The following BRD8 variants were observed in gnomAD, a reference collection of about 807,000 sequenced individuals.
The protein encoded by BRD8 is bromodomain containing 8.
Under a neutral mutation model 143.1 loss-of-function variants are expected in BRD8, and 67 were observed. The ratio of observed to expected loss-of-function variants is 0.47; its 90% CI spans 0.38 to 0.57. BRD8 has a LOEUF of 0.57. Among genes scored for constraint, BRD8 ranks in the 20% least tolerant of loss-of-function variants. The probability of loss-of-function intolerance (pLI) is 0.00; values close to 1 mark genes in which losing one functional copy is unlikely to be tolerated. For synonymous variants in BRD8, 505 were observed against 517.1 expected (o/e 0.98, Z 0.32); for missense variants, 1,103 against 1,503.0 (o/e 0.73, Z 4.40).
rs868105809 is a variant in BRD8, at chr5:138,153,677, T to C, written c.2578-917A>G. ...ATCACCATTTTCTTTTCTTTTCTTT[T>C]TTTTTTTTTTTTTTTTTGAACGAAC... On this transcript the variant is annotated intron_variant, in intron 20 of 26. Coordinates refer to ENST00000254900, the MANE Select transcript of BRD8 (RefSeq NM_139199.2). Among the ~76,000 whole-genome samples, 46 of 97,318 alleles carry C rather than the reference T, an allele frequency of 4.7e-4. 1 individual carries two copies. The highest frequency in any genetic ancestry group is 1.7e-3 in the African/African-American group (40 of 23,122). The allele number at this position is 97,318 out of a possible 152,430, so 63.8% of individuals were successfully genotyped here.
intron 3 of BRD8, 22 bp from the exon 4 acceptor site, chr5:138,171,432 G>C: frequency 8.2e-7 from 1 of 1,223,284 alleles, no homozygotes; most frequent in Non-Finnish European, 1.2e-6. Flanking sequence ...AAAAAAAAAA[G>C]TGAAAATGTG....
At chr5:138,154,965 G>T (rs554111436) in intron 20 of BRD8, among the ~76,000 whole-genome samples, 54 of 151,640 alleles carry the variant, frequency 3.6e-4, no homozygotes, top group African/African-American at 1.3e-3. Context: ...GCGTAACTGG[G>T]ATTACAGGCG....
At chr5:138,149,069 T>G (rs1752276546) in intron 23 of BRD8, among the ~76,000 whole-genome samples, 2 of 150,646 alleles carry the variant, frequency 1.3e-5, no homozygotes, top group South Asian at 4.2e-4. Flanking sequence ...CTGTCTCTAT[T>G]AAAGAAAAAA....
Position 138,140,075 on chromosome 5 carries a change from T to A in BRD8, c.3707A>T (p.Ter1236LeuextTer12). Residue 1236 changes from the stop codon to leucine, a stop_lost, in exon 27 of 27, where the codon TAA becomes TTA. Coordinates refer to ENST00000254900, the MANE Select transcript of BRD8 (RefSeq NM_139199.2). Reference sequence around the variant, plus strand: ...AAAAGTCAGGATAGCAGCTCCAGGTTAGAAAACAGGTTTTCCATCATCCAC... The same window carrying A: ...AAAAGTCAGGATAGCAGCTCCAGGTAAGAAAACAGGTTTTCCATCATCCAC... ...NPVDDGKPVF* is the reference protein window; with the variant it reads ...NPVDDGKPVFL 1 of 1,611,784 alleles carries A rather than the reference T, an allele frequency of 6.2e-7. No individual in the cohort carries two copies. The highest frequency in any genetic ancestry group is 8.5e-7 in the Non-Finnish European group (1 of 1,177,892).
intron 23 of BRD8, among the ~76,000 whole-genome samples, chr5:138,147,450 C>A (rs948682196): frequency 6.6e-6 from 1 of 151,590 alleles, no homozygotes; most frequent in African/African-American, 2.4e-5. Context: ...ACAGTTCATA[C>A]TATATTCTCT....
chr5:138,147,693 T>C (rs1752209063), intron 23 of BRD8, among the ~76,000 whole-genome samples: 1 of 152,180 alleles, frequency 6.6e-6, no homozygotes, highest in Non-Finnish European at 1.5e-5. Flanking sequence ...TCCCAGGACT[T>C]TGGGAGGCCA....
At position 138,171,199 on chromosome 5, in the gene BRD8, A is replaced by G. The variant is rs368238602; in HGVS notation, c.237-39T>C. Reference sequence around the variant, plus strand: ...AAAAAAAAAAATTCATATTCAAATAACATAACATTTATCCCCTCTCCTACT... The same window carrying G: ...AAAAAAAAAAATTCATATTCAAATAGCATAACATTTATCCCCTCTCCTACT... On this transcript the variant is annotated intron_variant, in intron 4 of 26. Coordinates refer to ENST00000254900, the MANE Select transcript of BRD8 (RefSeq NM_139199.2). 3.8e-6 allele frequency: 6 copies of G among 1,585,858 alleles called. No individual in the cohort carries two copies. The Admixed American group carries it at 7.0e-5, about 19-fold the overall frequency.
intron 16 of BRD8, 83 bp downstream of exon 16, chr5:138,161,971 A>G (rs1178256970): frequency 6.4e-7 from 1 of 1,561,954 alleles, no homozygotes; most frequent in Non-Finnish European, 8.8e-7. Flanking sequence ...GCAGTTCCAC[A>G]GAAGCCTACT....
At chr5:138,165,702 G>A in intron 11 of BRD8, 126 bp downstream of exon 11, 2 of 1,098,596 alleles carry the variant, frequency 1.8e-6, no homozygotes, top group Non-Finnish European at 1.3e-6. Flanking sequence ...CTTCAGCCTG[G>A]ATGAAAGAGC....
chr5:138,150,220 C>T (rs1212367406), intron 22 of BRD8, among the ~76,000 whole-genome samples: 10 of 151,720 alleles, frequency 6.6e-5, no homozygotes, highest in Admixed American at 1.3e-4. Flanking sequence ...TGGGCTCCCC[C>T]GAGACCCCTA....
At chr5:138,155,041 G>A (rs1430875712) in intron 20 of BRD8, among the ~76,000 whole-genome samples, 1 of 151,948 alleles carries the variant, frequency 6.6e-6, no homozygotes, top group Non-Finnish European at 1.5e-5. Context: ...ATGTTGGCCA[G>A]GATGGTCTTG....
In BRD8 at chr5:138,151,004, G is replaced by A. The variant is rs1363019162; in HGVS notation, c.2861C>T (p.Ala954Val). ...GATGCACAAGGGCTCCATTAAATAA[G>A]CTACCTGCAATCAAAGTTTATTATT... The part of the protein sequence containing the change: ...QNLLHFLSEV[A>V]YLMEPLCISS... The change falls in exon 22 of 27, where the codon GCT (alanine) becomes GTT (valine). Residue 954 changes from alanine (A) to valine (V), a missense_variant. Physicochemically the swap from Ala to Val is moderately conservative, Grantham distance 64. Coordinates refer to ENST00000254900, the MANE Select transcript of BRD8 (RefSeq NM_139199.2). 6.2e-7 allele frequency: 1 copy of A among 1,609,662 alleles called. No individual in the cohort carries two copies. The highest frequency in any genetic ancestry group is 8.5e-7 in the Non-Finnish European group (1 of 1,179,382).
At chr5:138,162,848 T>C (rs1231550528) in intron 15 of BRD8, among the ~76,000 whole-genome samples, 1 of 151,732 alleles carries the variant, frequency 6.6e-6, no homozygotes, top group Non-Finnish European at 1.5e-5. Context: ...AAAATTTTTT[T>C]TAATTAGCAG....
At position 138,152,727 on chromosome 5, in the gene BRD8, G is replaced by A. The variant is rs1273822447; in HGVS notation, c.2611C>T (p.Gln871Ter). Reference protein sequence around the residue: ...GHEWVWLDSEQDHPNDSELSN... With the variant: ...GHEWVWLDSE ...AACTCAGAGTCATTGGGATGATCTT[G>A]TTCAGAATCCAGCCAAACCCACTCG... is the stretch of plus-strand genomic sequence containing the variant. The change falls in exon 21 of 27, where the codon CAA becomes TAA. Residue 871 changes from glutamine (Q) to a stop codon, truncating the protein, a stop_gained. Transcript: ENST00000254900. LOFTEE classifies it high-confidence loss of function. 1 of 1,614,080 alleles carries A rather than the reference G, an allele frequency of 6.2e-7. No individual in the cohort carries two copies. The highest frequency in any genetic ancestry group is 1.7e-5 in the Admixed American group (1 of 60,012).
At position 138,177,624 on chromosome 5, in the gene BRD8, G is replaced by C; in HGVS notation, c.63C>G (p.Ile21Met). Residue 21 changes from isoleucine (I) to methionine (M), a missense_variant, in exon 2 of 27, where the codon ATC becomes ATG. Physicochemically the swap from Ile to Met is conservative, Grantham distance 10. Coordinates refer to ENST00000254900, the MANE Select transcript of BRD8 (RefSeq NM_139199.2). ...AAGATGCTAAACATAGCTTCTCTCG[G>C]ATGGACCATGGCTCTGTGGGGCCAG... The part of the protein sequence containing the change: ...LSTGPTEPWS[I>M]REKLCLASSV... 6.2e-7 allele frequency: 1 copy of C among 1,610,308 alleles called. No individual in the cohort carries two copies. The highest frequency in any genetic ancestry group is 8.5e-7 in the Non-Finnish European group (1 of 1,178,860).
At position 138,172,114 on chromosome 5, in the gene BRD8, A is replaced by T; in HGVS notation, c.137T>A (p.Ile46Asn). The T allele has an allele frequency of 6.2e-7, 1 of 1,613,494 alleles. No individual in the cohort carries two copies. Among genetic ancestry groups the T allele is most frequent in the Non-Finnish European group, 8.5e-7 (1 of 1,179,814 alleles). Residue 46 changes from isoleucine (I) to asparagine (N), a missense_variant, in exon 3 of 27, where the codon ATC becomes AAC. Transcript: ENST00000254900. The part of the protein sequence containing the change: ...DQNWVSVSRA[I>N]KPFAEPGRPP... ...GCGGCCAGGTTCTGCAAAGGGCTTG[A>T]TTGCTCTGCTAACTGATACCCTACA...
chr5:138,164,567 T>C (rs988176027), intron 12 of BRD8, 147 bp downstream of exon 12: 5 of 1,128,898 alleles, frequency 4.4e-6, no homozygotes, highest in South Asian at 4.2e-5. Flanking sequence ...AATAAGTATA[T>C]ATAACACTAA....
rs532294880 is a variant in BRD8 at position 138,143,382 on chromosome 5, A to T, written c.3437+1795T>A. 2.6e-4 allele frequency among the ~76,000 whole-genome samples: 39 copies of T among 152,138 alleles called. No homozygotes were observed. In the South Asian group the frequency reaches 7.7e-3, roughly 30 times the overall value. On this transcript the variant is annotated intron_variant, in intron 25 of 26. Transcript: ENST00000254900. ...TAGTCCCAGCTACTCCGGAGGCTGA[A>T]GTGGGAAGATTGCTTGAGCCCAGGA...
chr5:138,164,399 G>T lies in BRD8; in HGVS notation c.1746C>A (p.Ser582Arg). 1 of 1,614,098 alleles carries T rather than the reference G, an allele frequency of 6.2e-7. No individual in the cohort carries two copies. Among genetic ancestry groups the T allele is most frequent in the Non-Finnish European group, 8.5e-7 (1 of 1,179,970 alleles). ...TTGAGCCATGTGATGGAGACAACATGCTTTCAGGGGATGCCTGAAAACCAG... is the reference window on the plus strand; with the variant it reads ...TTGAGCCATGTGATGGAGACAACATTCTTTCAGGGGATGCCTGAAAACCAG... Reference protein sequence around the residue: ...TNVKTEASPESMLSPSHGSNP... With the variant: ...TNVKTEASPERMLSPSHGSNP... Residue 582 changes from serine (S) to arginine (R), a missense_variant, in exon 13 of 27, where the codon AGC becomes AGA. Physicochemically the swap from Ser to Arg is moderately radical, Grantham distance 110. Transcript: ENST00000254900.
Sources: gnomAD v4.1 joint callset for allele counts (sites outside exome capture counted in the v4.1 genomes callset) on GRCh38, gnomAD v4.1.1 for gene constraint, MANE v1.5 for transcripts, NCBI Gene and HGNC (gene_info 2026-07-23, HGNC 2026-07-21) for gene names.